Variants in TAB2 observed in about 807,000 individuals in gnomAD.
The protein encoded by TAB2 is TGF-beta-activated kinase 1 and MAP3K7-binding protein 2.
In TAB2, 3 loss-of-function variants were observed where a neutral mutation model predicts 65.0. The observed-to-expected ratio is 0.05, with a 90% CI of 0.02 to 0.12. The LOEUF is 0.12. Among genes scored for constraint, TAB2 ranks in the 10% least tolerant of loss-of-function variants. The probability of loss-of-function intolerance (pLI) is 1.00; values close to 1 mark genes in which losing one functional copy is unlikely to be tolerated. For missense variants in TAB2, 623 were observed against 840.3 expected (o/e 0.74, Z 3.20); for synonymous variants, 298 against 285.1 (o/e 1.05, Z -0.46).
intron 1 of TAB2, among the ~76,000 whole-genome samples, chr6:149,265,773 T>A (rs969545562): frequency 5.9e-5 from 9 of 152,144 alleles, no homozygotes; most frequent in Non-Finnish European, 1.2e-4. Context: ...ATTGCCTATA[T>A]AAGGTACAAA....
intron 1 of TAB2, among the ~76,000 whole-genome samples, chr6:149,248,863 C>T: frequency 6.6e-6 from 1 of 151,968 alleles, no homozygotes; most frequent in African/African-American, 2.4e-5. Flanking sequence ...CAGTCATGTC[C>T]CCACCCCCGG....
At chr6:149,228,671 G>A (rs1055981705) in intron 1 of TAB2, among the ~76,000 whole-genome samples, 9 of 152,238 alleles carry the variant, frequency 5.9e-5, no homozygotes, top group African/African-American at 1.7e-4. Context: ...ACCGGCTACA[G>A]CAATGTGCGC....
chr6:149,309,632 C>T (rs1425915687), intron 1 of TAB2, among the ~76,000 whole-genome samples: 2 of 151,930 alleles, frequency 1.3e-5, no homozygotes, highest in African/African-American at 4.8e-5. Context: ...CTCCTGACCT[C>T]GTGATCCACC....
intron 1 of TAB2, among the ~76,000 whole-genome samples, chr6:149,284,805 G>A (rs1429179377): frequency 6.6e-6 from 1 of 152,082 alleles, no homozygotes; most frequent in Non-Finnish European, 1.5e-5. Flanking sequence ...AACATCTAAA[G>A]AACTGCCTCT....
intron 1 of TAB2, among the ~76,000 whole-genome samples, chr6:149,306,909 AC>A (rs549406163): frequency 7.3e-4 from 111 of 152,340 alleles, no homozygotes; most frequent in African/African-American, 2.6e-3. Flanking sequence ...TAGTTTGTAA[AC>A]TTTTGAAAAT....
intron 3 of TAB2, among the ~76,000 whole-genome samples, chr6:149,385,919 C>T (rs1302755630): frequency 6.6e-6 from 1 of 152,126 alleles, no homozygotes. Context: ...TCTTTTCAAC[C>T]TTTGACTTGT....
At chr6:149,268,426 G>T (rs1227212340) in intron 1 of TAB2, among the ~76,000 whole-genome samples, 1 of 152,188 alleles carries the variant, frequency 6.6e-6, no homozygotes, top group Non-Finnish European at 1.5e-5. Context: ...TACAGAAGAG[G>T]TGAGAATGAA....
chr6:149,339,507 G>A (rs1008770771), intron 1 of TAB2, among the ~76,000 whole-genome samples: 21 of 151,904 alleles, frequency 1.4e-4, no homozygotes, highest in Non-Finnish European at 2.6e-4. Flanking sequence ...CATTGACACT[G>A]TCATATAAGT....
chr6:149,332,941 A>G (rs1779825670), intron 1 of TAB2, among the ~76,000 whole-genome samples: 1 of 152,154 alleles, frequency 6.6e-6, no homozygotes, highest in Non-Finnish European at 1.5e-5. Context: ...TATTAGCTCC[A>G]ATAATATTTC....
chr6:149,386,719 T>C (rs1781820572), intron 3 of TAB2, among the ~76,000 whole-genome samples: 1 of 152,224 alleles, frequency 6.6e-6, no homozygotes, highest in South Asian at 2.1e-4. Flanking sequence ...TTTTCCAAAG[T>C]GATTTGTATT....
At chr6:149,221,174 C>A (rs1562377779) in intron 1 of TAB2, 1 of 152,164 alleles carries the variant, frequency 6.6e-6, no homozygotes, top group African/African-American at 2.4e-5. Flanking sequence ...CTCCCACCCA[C>A]CATGGCACTT....
intron 2 of TAB2, among the ~76,000 whole-genome samples, chr6:149,375,356 T>C (rs1216889841): frequency 1.3e-5 from 2 of 152,202 alleles, no homozygotes; most frequent in Non-Finnish European, 2.9e-5. Context: ...GTAAGTTCTT[T>C]TATGTTTTGC....
chr6:149,389,551 A>G (rs1197077132), intron 3 of TAB2, among the ~76,000 whole-genome samples: 2 of 151,140 alleles, frequency 1.3e-5, no homozygotes, highest in Non-Finnish European at 2.9e-5. Context: ...AGGCTGAGGC[A>G]GGAGAATCAC....
At chr6:149,264,991 C>T (rs1195427242) in intron 1 of TAB2, among the ~76,000 whole-genome samples, 1 of 152,052 alleles carries the variant, frequency 6.6e-6, no homozygotes, top group Non-Finnish European at 1.5e-5. Context: ...TTTACCCAAA[C>T]CTTTTGCACC....
At chr6:149,347,236 C>T (rs1780335671) in intron 1 of TAB2, 1 of 152,188 alleles carries the variant, frequency 6.6e-6, no homozygotes, top group South Asian at 2.1e-4. Context: ...TTGCACATTC[C>T]TTTTAGAAGA....
chr6:149,406,066 C>T (rs1486168391), intron 6 of TAB2, among the ~76,000 whole-genome samples: 1 of 152,140 alleles, frequency 6.6e-6, no homozygotes, highest in Non-Finnish European at 1.5e-5. Flanking sequence ...AAAACAAAGA[C>T]AGCAAAACAA....
chr6:149,386,151 C>T (rs2114910831), intron 3 of TAB2, among the ~76,000 whole-genome samples: 1 of 152,224 alleles, frequency 6.6e-6, no homozygotes, highest in South Asian at 2.1e-4. Context: ...TCTGTGAACA[C>T]ACGGGATTAT....
chr6:149,406,285 C>G (rs191363052), intron 6 of TAB2, among the ~76,000 whole-genome samples: 1 of 152,232 alleles, frequency 6.6e-6, no homozygotes, highest in East Asian at 1.9e-4. Flanking sequence ...GTTTGTAGGA[C>G]TAGGAAAGTA....
At chr6:149,245,944 CAG>C (rs1042969626) in intron 1 of TAB2, among the ~76,000 whole-genome samples, 4 of 151,036 alleles carry the variant, frequency 2.6e-5, no homozygotes, top group Non-Finnish European at 5.9e-5. Context: ...TTTTTTTTGA[CAG>C]AGTCTTGCTG....
Sources: gnomAD v4.1 joint callset for allele counts (sites outside exome capture counted in the v4.1 genomes callset) on GRCh38, gnomAD v4.1.1 for gene constraint, MANE v1.5 for transcripts, NCBI Gene and HGNC (gene_info 2026-07-23, HGNC 2026-07-21) for gene names.